Variants in ZNF469 observed in about 807,000 individuals in gnomAD.
ZNF469 encodes zinc finger protein 469.
ZNF469 carries 1 observed loss-of-function variant against 1.0 expected under a neutral mutation model. The ratio of observed to expected loss-of-function variants is 1.00; its 90% CI spans 0.35 to 4.73. The LOEUF is 4.73. Among genes scored for constraint, ZNF469 ranks in the 30% most tolerant of loss-of-function variants. ZNF469 has a pLI of 0.16. For missense variants in ZNF469, 6,100 were observed against 5,356.3 expected (o/e 1.14, Z -4.33); for synonymous variants, 2,703 against 2,363.4 (o/e 1.14, Z -4.17).
the ZNF469 span, among the ~76,000 whole-genome samples, chr16:88,349,367 A>T: frequency 1.3e-5 from 2 of 151,278 alleles, no homozygotes; most frequent in South Asian, 2.1e-4. Flanking sequence ...CACACATATC[A>T]CACACACACA....
At position 88,435,650 on chromosome 16, in the gene ZNF469, A is replaced by G. The variant is rs1160987043; in HGVS notation, c.8180A>G (p.Asp2727Gly). ...GETGAQKPPG[D>G]RMLCPGRMDG... ...ACTGGGGCCCAGAAGCCACCTGGAG[A>G]TCGGATGCTGTGTCCAGGGAGGATG... The change falls in exon 3 of 3, where the codon GAT (aspartate) becomes GGT (glycine). Residue 2727 changes from aspartate to glycine, a missense_variant. Transcript: ENST00000565624. 1 of 1,550,294 alleles carries G rather than the reference A, an allele frequency of 6.5e-7. No individual in the cohort carries two copies. Among genetic ancestry groups the G allele is most frequent in the African/African-American group, 1.4e-5 (1 of 73,002 alleles).
intron 1 of ZNF469, among the ~76,000 whole-genome samples, chr16:88,411,352 C>T (rs148230130): frequency 0.016 from 2,423 of 149,374 alleles, 44 homozygotes; most frequent in African/African-American, 0.04. Context: ...GCAGCCCCGG[C>T]GGGTGGTCCA....
chr16:88,423,873 C>A (rs1315577121), intron 1 of ZNF469, among the ~76,000 whole-genome samples: 2 of 152,260 alleles, frequency 1.3e-5, no homozygotes, highest in South Asian at 2.1e-4. Context: ...AAGTCCAGCA[C>A]CCCTCCTTCC....
At chr16:88,159,004 T>A in the ZNF469 span, among the ~76,000 whole-genome samples, 2 of 152,130 alleles carry the variant, frequency 1.3e-5, no homozygotes, top group Non-Finnish European at 2.9e-5. Flanking sequence ...GTGGGTCAGT[T>A]TGTACAGAAC....
the ZNF469 span, among the ~76,000 whole-genome samples, chr16:88,334,653 A>G: frequency 2.9e-4 from 44 of 152,370 alleles, no homozygotes; most frequent in Non-Finnish European, 5.9e-5. Flanking sequence ...CTTATTTCAT[A>G]TAAGGGTGTC....
the ZNF469 span, among the ~76,000 whole-genome samples, chr16:88,113,852 C>T: frequency 6.6e-4 from 100 of 152,178 alleles, no homozygotes; most frequent in Admixed American, 9.2e-4. Flanking sequence ...GAAAGCTCAC[C>T]GTGTGGTCTA....
intron 1 of ZNF469, among the ~76,000 whole-genome samples, chr16:88,415,706 C>A (rs4782353): frequency 0.74 from 112,874 of 152,136 alleles, 43,591 homozygotes; most frequent in South Asian, 0.89. Context: ...CACGTCCCAG[C>A]CCCACATCTC....
At chr16:88,316,839 A>C in the ZNF469 span, among the ~76,000 whole-genome samples, 5 of 137,060 alleles carry the variant, frequency 3.6e-5, no homozygotes, top group African/African-American at 5.6e-5. Context: ...GAGCCACTGC[A>C]CCCAGCCTGG....
chr16:88,280,798 A>G, the ZNF469 span, among the ~76,000 whole-genome samples: 2 of 147,546 alleles, frequency 1.4e-5, no homozygotes, highest in Non-Finnish European at 3.0e-5. Context: ...CAATGTCAGC[A>G]CATAGGTTGG....
Position 88,428,017 on chromosome 16 carries a change from T to C in ZNF469, c.547T>C (p.Cys183Arg). 6.5e-7 allele frequency: 1 copy of C among 1,549,824 alleles called. No homozygotes were observed. Among genetic ancestry groups the C allele is most frequent in the Non-Finnish European group, 8.7e-7 (1 of 1,146,836 alleles). Reference sequence around the variant, plus strand: ...CGCCGAAGAGCTTGGCTTCCACAGGTGCTTCCAGGAGCCACCCTCCAGCTT... The same window carrying C: ...CGCCGAAGAGCTTGGCTTCCACAGGCGCTTCCAGGAGCCACCCTCCAGCTT... The part of the protein sequence containing the change: ...PAAEELGFHR[C>R]FQEPPSSFTS... The change falls in exon 3 of 3, where the codon TGC becomes CGC. Residue 183 changes from cysteine to arginine, a missense_variant. Coordinates refer to ENST00000565624, the MANE Select transcript of ZNF469 (RefSeq NM_001367624.2).
the ZNF469 span, among the ~76,000 whole-genome samples, chr16:88,255,168 T>A: frequency 6.6e-6 from 1 of 152,196 alleles, no homozygotes; most frequent in African/African-American, 2.4e-5. Context: ...ACATTCACAG[T>A]TGGGCTGTGG....
At chr16:88,103,476 C>G in the ZNF469 span, among the ~76,000 whole-genome samples, 1 of 152,236 alleles carries the variant, frequency 6.6e-6, no homozygotes, top group Non-Finnish European at 1.5e-5. Context: ...GCGTGAAGAC[C>G]CGGTGCTGGG....
intron 1 of ZNF469, among the ~76,000 whole-genome samples, chr16:88,393,662 G>T (rs965725126): frequency 1.5e-4 from 23 of 152,226 alleles, no homozygotes; most frequent in African/African-American, 5.5e-4. Flanking sequence ...TTTTGTTAAG[G>T]TATTTCACAC....
the ZNF469 span, among the ~76,000 whole-genome samples, chr16:88,205,832 T>A: frequency 6.6e-6 from 1 of 151,818 alleles, no homozygotes; most frequent in South Asian, 2.1e-4. The surrounding 1 kb of genome is among the most constrained non-coding windows in gnomAD (Gnocchi z 4.2). Flanking sequence ...CCAGAAAAAA[T>A]GATGGCTTTA....
At chr16:88,213,713 G>C in the ZNF469 span, among the ~76,000 whole-genome samples, 19 of 152,162 alleles carry the variant, frequency 1.2e-4, no homozygotes, top group Non-Finnish European at 2.8e-4. Context: ...GTCCTTCTAA[G>C]AGCTTTTCCG....
the ZNF469 span, among the ~76,000 whole-genome samples, chr16:88,246,787 G>A: frequency 6.6e-6 from 1 of 152,182 alleles, no homozygotes; most frequent in Non-Finnish European, 1.5e-5. Context: ...GTGAGTGAGG[G>A]AGGGAATAAA....
At chr16:88,400,727 C>G (rs950856564) in intron 1 of ZNF469, among the ~76,000 whole-genome samples, 2 of 126,224 alleles carry the variant, frequency 1.6e-5, no homozygotes, top group African/African-American at 7.2e-5. Flanking sequence ...GGATGGCACC[C>G]AAGGTCAGCC....
chr16:88,356,200 CTG>C, the ZNF469 span, among the ~76,000 whole-genome samples: 136 of 152,300 alleles, frequency 8.9e-4, 1 homozygote, highest in African/African-American at 3.1e-3. Context: ...CTCCTCGGCT[CTG>C]GGCACAGAGA....
rs9924504 is a variant in ZNF469, at chr16:88,430,623, T to G, written c.3153T>G (p.Ile1051Met). Residue 1051 changes from isoleucine (I) to methionine (M), a missense_variant, in exon 3 of 3, where the codon ATT becomes ATG. Coordinates refer to ENST00000565624, the MANE Select transcript of ZNF469 (RefSeq NM_001367624.2). ...ARGGAWGKEL[I>M]LKIVQQKNRR... The stretch of plus-strand genomic sequence containing the variant: ...GCGGCGCCTGGGGCAAGGAGCTCAT[T>G]CTGAAGATCGTGCAGCAGAAGAACA... 2.0e-6 allele frequency: 3 copies of G among 1,504,698 alleles called. No homozygotes were observed. Among genetic ancestry groups the G allele is most frequent in the Non-Finnish European group, 2.6e-6 (3 of 1,133,738 alleles). 93.2% of individuals were successfully genotyped at this position (1,504,698 alleles called of 1,614,324 possible).
Sources: allele counts gnomAD v4.1 joint callset (sites outside exome capture counted in the v4.1 genomes callset), GRCh38; gene constraint gnomAD v4.1.1; non-coding constraint Gnocchi (gnomAD v3.1); transcripts MANE v1.5; gene names NCBI Gene and HGNC (gene_info 2026-07-23, HGNC 2026-07-21).